ZC3H12B: variants seen among roughly 807,000 people sequenced by gnomAD.
The protein encoded by ZC3H12B is zinc finger CCCH-type containing 12B.
ZC3H12B carries 7 observed loss-of-function variants against 43.9 expected under a neutral mutation model. That is an observed-to-expected ratio of 0.16 (90% CI 0.09 to 0.30). ZC3H12B has a LOEUF of 0.30. Among genes scored for constraint, ZC3H12B ranks in the 10% least tolerant of loss-of-function variants. ZC3H12B has a pLI of 1.00. For synonymous variants in ZC3H12B, 222 were observed against 241.7 expected, an observed-to-expected ratio of 0.92 and a Z score of 0.76; for missense variants, 475 against 670.2, an observed-to-expected ratio of 0.71 and a Z score of 3.22.
chrX:65,198,106 C>T, the ZC3H12B span, among the ~76,000 whole-genome samples: 1 of 111,857 alleles, frequency 8.9e-6, no homozygotes, highest in Admixed American at 9.5e-5. Context: ...CCAAGCCACC[C>T]AATCGCATCA....
intron 3 of ZC3H12B, among the ~76,000 whole-genome samples, chrX:65,443,286 C>A (rs1376805617): frequency 9.0e-6 from 1 of 110,941 alleles, no homozygotes; most frequent in Non-Finnish European, 1.9e-5. Context: ...CCATTCCAAC[C>A]ATCGCTCCGG....
chrX:65,061,939 ATGTT>A, the ZC3H12B span, among the ~76,000 whole-genome samples: 2 of 112,147 alleles, frequency 1.8e-5, no homozygotes, highest in Non-Finnish European at 3.8e-5. Context: ...TTTTCTTCAT[ATGTT>A]TGTTGGCTGC....
At chrX:65,196,287 T>C in the ZC3H12B span, among the ~76,000 whole-genome samples, 1 of 109,386 alleles carries the variant, frequency 9.1e-6, no homozygotes, top group African/African-American at 3.3e-5. Context: ...AGGAAAGCTA[T>C]GAAGGAAGCG....
At chrX:65,153,190 A>G in the ZC3H12B span, among the ~76,000 whole-genome samples, 8 of 112,337 alleles carry the variant, frequency 7.1e-5, no homozygotes, top group South Asian at 3.0e-3. Context: ...CTTAATGTCT[A>G]AAACACCAAA....
the ZC3H12B span, among the ~76,000 whole-genome samples, chrX:65,120,933 T>G: frequency 8.9e-6 from 1 of 111,931 alleles, no homozygotes. Flanking sequence ...ATTGGTTCTA[T>G]TTATATGCTG....
the ZC3H12B span, among the ~76,000 whole-genome samples, chrX:65,296,041 G>A: frequency 8.9e-6 from 1 of 111,905 alleles, no homozygotes; most frequent in Admixed American, 9.5e-5. Context: ...GTCATTATAC[G>A]AAAAAGATAC....
chrX:65,454,693 C>A (rs1340633081), intron 3 of ZC3H12B, among the ~76,000 whole-genome samples: 1 of 111,940 alleles, frequency 8.9e-6, no homozygotes, highest in Non-Finnish European at 1.9e-5. Context: ...AAGTTGGTCC[C>A]AGACCCCCAA....
At chrX:65,259,138 G>A in the ZC3H12B span, among the ~76,000 whole-genome samples, 3 of 111,898 alleles carry the variant, frequency 2.7e-5, no homozygotes, top group Admixed American at 9.5e-5. Context: ...AAAACTGTGG[G>A]CATCACAGTG....
At chrX:65,503,439 C>G in exon 5 of ZC3H12B, 2 of 328,068 alleles carry the variant, frequency 6.1e-6, no homozygotes, top group Non-Finnish European at 1.0e-5. Flanking sequence ...ACACTGCTAG[C>G]AAATGACTAA....
the ZC3H12B span, among the ~76,000 whole-genome samples, chrX:65,080,170 T>A: frequency 1.1e-5 from 1 of 90,293 alleles, no homozygotes. Context: ...TATTTGAAAG[T>A]ACACAGAGAA....
the ZC3H12B span, among the ~76,000 whole-genome samples, chrX:65,353,768 C>T: frequency 9.0e-6 from 1 of 111,591 alleles, no homozygotes; most frequent in South Asian, 3.8e-4. Context: ...GACACTCGAG[C>T]TTGGTGTGGG....
At chrX:65,458,277 A>C (rs1194085439) in intron 3 of ZC3H12B, among the ~76,000 whole-genome samples, 1 of 109,637 alleles carries the variant, frequency 9.1e-6, no homozygotes, top group Non-Finnish European at 1.9e-5. Flanking sequence ...TGAACACCCC[A>C]CTGTCAATAT....
At chrX:65,234,928 G>A in the ZC3H12B span, among the ~76,000 whole-genome samples, 1 of 111,906 alleles carries the variant, frequency 8.9e-6, no homozygotes, top group African/African-American at 3.2e-5. Flanking sequence ...ACGTATAACT[G>A]AGAACATACA....
At chrX:65,390,642 C>A (rs372320093) in intron 2 of ZC3H12B, among the ~76,000 whole-genome samples, 1 of 109,104 alleles carries the variant, frequency 9.2e-6, no homozygotes, top group East Asian at 2.9e-4. Context: ...CCCACCCCCA[C>A]CTTCAGCATG....
the ZC3H12B span, among the ~76,000 whole-genome samples, chrX:65,233,990 G>A: frequency 9.0e-6 from 1 of 111,348 alleles, no homozygotes; most frequent in Non-Finnish European, 1.9e-5. Flanking sequence ...ACTATTCTGA[G>A]AAGGGACTAA....
the ZC3H12B span, among the ~76,000 whole-genome samples, chrX:65,232,070 C>G: frequency 1.1e-5 from 1 of 92,510 alleles, no homozygotes; most frequent in Non-Finnish European, 1.9e-5. Context: ...CCCGTCTCTA[C>G]TAACAATACA....
the ZC3H12B span, among the ~76,000 whole-genome samples, chrX:65,212,685 C>CAT: frequency 6.0e-5 from 5 of 83,744 alleles, no homozygotes; most frequent in South Asian, 1.1e-3. Flanking sequence ...ATTTATATAT[C>CAT]ATATATAAAT....
the ZC3H12B span, among the ~76,000 whole-genome samples, chrX:65,123,628 A>AT: frequency 0.085 from 9,109 of 107,462 alleles, 1,023 homozygotes; most frequent in African/African-American, 0.3. Context: ...ATGTGTTTCT[A>AT]TTGTTTTGTC....
intron 3 of ZC3H12B, among the ~76,000 whole-genome samples, chrX:65,430,840 G>A (rs1406582322): frequency 3.6e-5 from 4 of 111,063 alleles, no homozygotes; most frequent in Admixed American, 2.9e-4. Flanking sequence ...TTACTCCCAG[G>A]TGGGCCATCA....
Sources: allele counts gnomAD v4.1 joint callset (sites outside exome capture counted in the v4.1 genomes callset), GRCh38; gene constraint gnomAD v4.1.1; transcripts MANE v1.5; gene names NCBI Gene and HGNC (gene_info 2026-07-23, HGNC 2026-07-21).